Variants in ST6GALNAC3 observed in about 807,000 individuals in gnomAD.
ST6GALNAC3 encodes the protein alpha-N-acetylgalactosaminide alpha-2,6-sialyltransferase 3.
A neutral mutation model predicts 32.7 loss-of-function variants in ST6GALNAC3; 25 were observed. The ratio of observed to expected loss-of-function variants is 0.76; its 90% CI spans 0.56 to 1.07. The LOEUF (loss-of-function observed/expected upper bound fraction) is 1.07, where lower values mean the gene tolerates loss of function less well. Among genes scored for constraint, ST6GALNAC3 ranks in the 50% least tolerant of loss-of-function variants. The probability of loss-of-function intolerance (pLI) is 0.00; values close to 1 mark genes in which losing one functional copy is unlikely to be tolerated. For missense variants in ST6GALNAC3, 355 were observed against 382.4 expected, an observed-to-expected ratio of 0.93 and a Z score of 0.60; for synonymous variants, 129 against 133.1, an observed-to-expected ratio of 0.97 and a Z score of 0.21.
intron 3 of ST6GALNAC3, among the ~76,000 whole-genome samples, chr1:76,556,241 T>C (rs1664914957): frequency 6.6e-6 from 1 of 152,184 alleles, no homozygotes; most frequent in Non-Finnish European, 1.5e-5. Flanking sequence ...TATTTTATTC[T>C]ATGGACATAT....
At position 76,628,903 on chromosome 1, in the gene ST6GALNAC3, A is replaced by G; in HGVS notation, c.*97A>G. The G allele has an allele frequency of 2.6e-6, 4 of 1,555,226 alleles. No homozygotes were observed. Among genetic ancestry groups the G allele is most frequent in the Non-Finnish European group, 3.4e-6 (4 of 1,160,578 alleles). On this transcript the variant is annotated 3_prime_UTR_variant, in exon 5 of 5. Coordinates refer to ENST00000328299, the MANE Select transcript of ST6GALNAC3 (RefSeq NM_152996.4). Reference sequence around the variant, plus strand: ...AATGGAGATGATGGTAATGATAAAGACAACAACAATGATTATCAAGTTCCT... The same window carrying G: ...AATGGAGATGATGGTAATGATAAAGGCAACAACAATGATTATCAAGTTCCT...
intron 3 of ST6GALNAC3, among the ~76,000 whole-genome samples, chr1:76,516,310 A>C (rs993616364): frequency 8.5e-5 from 13 of 152,284 alleles, no homozygotes; most frequent in Admixed American, 8.5e-4. Flanking sequence ...GTGTGTATAC[A>C]TATATTATAC....
chr1:76,466,922 T>C (rs777883144), intron 3 of ST6GALNAC3, among the ~76,000 whole-genome samples: 19 of 152,102 alleles, frequency 1.2e-4, no homozygotes, highest in Non-Finnish European at 2.5e-4. Context: ...TTTAGCTTTA[T>C]AATTTTTGTA....
rs55839101 is a variant in ST6GALNAC3 at position 76,272,324 on chromosome 1, GAA to G, written c.19-41461_19-41460del. 3.5e-3 allele frequency among the ~76,000 whole-genome samples: 390 copies of G among 112,034 alleles called. 1 individual carries two copies. The highest frequency in any genetic ancestry group is 1.0e-2 in the African/African-American group (271 of 27,178). The allele number at this position is 112,034 out of a possible 152,430, so 73.5% of individuals were successfully genotyped here. A position where few individuals can be genotyped will look rare whatever the true frequency, so the allele number is the denominator to read the frequency against. On this transcript the variant is annotated intron_variant, in intron 1 of 4. Coordinates refer to ENST00000328299, the MANE Select transcript of ST6GALNAC3 (RefSeq NM_152996.4). ...GGTGACAGGGCAAGACTCAGTCTCG[GAA>G]AAAAAAAAAAAAAAAAAAATTAAAA...
chr1:76,635,846 G>GTGA (rs1236855727), downstream of ST6GALNAC3, among the ~76,000 whole-genome samples: 1 of 152,096 alleles, frequency 6.6e-6, no homozygotes, highest in African/African-American at 2.4e-5. Flanking sequence ...AAGCCTGGAA[G>GTGA]TGATGTATAT....
At chr1:76,183,498 A>AGT (rs1248853731) in intron 1 of ST6GALNAC3, among the ~76,000 whole-genome samples, 1 of 152,242 alleles carries the variant, frequency 6.6e-6, no homozygotes, top group East Asian at 1.9e-4. Flanking sequence ...ACAAGTAATG[A>AGT]GTATATATAC....
chr1:76,083,212 G>A (rs1646920904), intron 1 of ST6GALNAC3, among the ~76,000 whole-genome samples: 1 of 152,204 alleles, frequency 6.6e-6, no homozygotes, highest in Admixed American at 6.5e-5. Flanking sequence ...ATTAAAACCT[G>A]GTTGCAATAC....
intron 2 of ST6GALNAC3, among the ~76,000 whole-genome samples, chr1:76,355,978 T>C (rs1410247017): frequency 2.0e-5 from 3 of 152,166 alleles, no homozygotes; most frequent in African/African-American, 7.2e-5. Flanking sequence ...AAATAATATA[T>C]TATGGAGCAA....
intron 1 of ST6GALNAC3, among the ~76,000 whole-genome samples, chr1:76,152,928 G>A (rs1651143906): frequency 6.6e-6 from 1 of 152,104 alleles, no homozygotes; most frequent in South Asian, 2.1e-4. Context: ...GCTCTATAAT[G>A]TGGTCATTCA....
At chr1:76,468,119 A>G (rs903822544) in intron 3 of ST6GALNAC3, among the ~76,000 whole-genome samples, 3 of 151,430 alleles carry the variant, frequency 2.0e-5, no homozygotes, top group African/African-American at 4.8e-5. Flanking sequence ...TCTTTCTTCC[A>G]TCCCCCTACC....
At chr1:76,572,380 G>C (rs559981890) in intron 3 of ST6GALNAC3, among the ~76,000 whole-genome samples, 1 of 152,166 alleles carries the variant, frequency 6.6e-6, no homozygotes, top group African/African-American at 2.4e-5. Flanking sequence ...CTCAAGGCCA[G>C]GTAAACATAA....
intron 1 of ST6GALNAC3, among the ~76,000 whole-genome samples, chr1:76,200,010 G>A (rs1053443686): frequency 2.6e-5 from 4 of 152,206 alleles, no homozygotes; most frequent in African/African-American, 4.8e-5. Context: ...GAAAAATGTG[G>A]GTGGACAAAA....
intron 1 of ST6GALNAC3, among the ~76,000 whole-genome samples, chr1:76,298,881 C>A (rs1390489576): frequency 6.6e-6 from 1 of 151,962 alleles, no homozygotes; most frequent in African/African-American, 2.4e-5. Context: ...GGAAATATTG[C>A]ATGTGTTTGC....
In ST6GALNAC3 at chr1:76,631,686, C is replaced by A. The variant is rs1309794590; in HGVS notation, c.*2880C>A. 1 of 151,958 alleles carries A rather than the reference C, an allele frequency of 6.6e-6. No individual in the cohort carries two copies. Among genetic ancestry groups the A allele is most frequent in the Non-Finnish European group, 1.5e-5 (1 of 67,956 alleles). 9.4% of individuals were successfully genotyped at this position (151,958 alleles called of 1,614,324 possible). A position where few individuals can be genotyped will look rare whatever the true frequency, so the allele number is the denominator to read the frequency against. On this transcript the variant is annotated 3_prime_UTR_variant, in exon 5 of 5. Transcript: ENST00000328299. The stretch of plus-strand genomic sequence containing the variant: ...ATTTATCCCAGAAATTAATTAATAT[C>A]TGTGAAAAATAAAAATATTTCAATA...
chr1:76,180,498 A>G (rs553567688), intron 1 of ST6GALNAC3, among the ~76,000 whole-genome samples: 2 of 152,302 alleles, frequency 1.3e-5, no homozygotes, highest in South Asian at 2.1e-4. Flanking sequence ...CCTGTCCCCA[A>G]GTGAGAACAG....
chr1:76,125,680 CA>C (rs1205167857), intron 1 of ST6GALNAC3, among the ~76,000 whole-genome samples: 31 of 152,330 alleles, frequency 2.0e-4, no homozygotes, highest in African/African-American at 7.0e-4. Flanking sequence ...CAGCAGACAG[CA>C]GACTCTTTTG....
In ST6GALNAC3 at chr1:76,461,313, C is replaced by G. The variant is rs11801656; in HGVS notation, c.623+48896C>G. ...TGTGTTTTATATTTAAGTAGTTTCT[C>G]CCCTGGTGGTTGCCCGTGGCAGACT... On this transcript the variant is annotated intron_variant, in intron 3 of 4. Transcript: ENST00000328299. Among the ~76,000 whole-genome samples, 225 of 152,260 alleles carry G rather than the reference C, an allele frequency of 1.5e-3. 1 individual carries two copies. The highest frequency in any genetic ancestry group is 5.0e-3 in the African/African-American group (209 of 41,552).
chr1:76,119,122 A>G (rs779961453), intron 1 of ST6GALNAC3, among the ~76,000 whole-genome samples: 8 of 152,098 alleles, frequency 5.3e-5, no homozygotes, highest in Non-Finnish European at 1.2e-4. Context: ...CACCTGGCCG[A>G]TGGCAAGTTT....
chr1:76,092,447 G>T (rs1647060640), intron 1 of ST6GALNAC3, among the ~76,000 whole-genome samples: 2 of 151,850 alleles, frequency 1.3e-5, no homozygotes, highest in Admixed American at 6.6e-5. Flanking sequence ...GGCAAAAGAT[G>T]ACATTTTTTG....
Sources: gnomAD v4.1 joint callset for allele counts (sites outside exome capture counted in the v4.1 genomes callset) on GRCh38, gnomAD v4.1.1 for gene constraint, MANE v1.5 for transcripts, NCBI Gene and HGNC (gene_info 2026-07-23, HGNC 2026-07-21) for gene names.